EDA: variants seen among roughly 807,000 people sequenced by gnomAD.
The protein encoded by EDA is ectodysplasin A.
EDA carries 2 observed loss-of-function variants against 23.6 expected under a neutral mutation model. The observed-to-expected ratio is 0.08, with a 90% confidence interval of 0.03 to 0.27. EDA has a LOEUF of 0.27. Among genes scored for constraint, EDA ranks in the 10% least tolerant of loss-of-function variants. EDA has a pLI of 1.00. For synonymous variants in EDA, 131 were observed against 132.0 expected, an observed-to-expected ratio of 0.99 and a Z score of 0.05; for missense variants, 229 against 324.2, an observed-to-expected ratio of 0.71 and a Z score of 2.26.
chrX:69,929,159 G>T (rs969856167), intron 1 of EDA, among the ~76,000 whole-genome samples: 1 of 111,074 alleles, frequency 9.0e-6, no homozygotes, highest in African/African-American at 3.3e-5. Context: ...TACTATTTCA[G>T]CAGTTACCAT....
At chrX:69,907,904 A>G (rs778701300) in intron 1 of EDA, among the ~76,000 whole-genome samples, 1 of 111,596 alleles carries the variant, frequency 9.0e-6, no homozygotes, top group Non-Finnish European at 1.9e-5. Context: ...TCTAGAGAAG[A>G]AAAACTAGAT....
chrX:69,631,637 T>C (rs866448748), intron 1 of EDA, among the ~76,000 whole-genome samples: 7 of 95,956 alleles, frequency 7.3e-5, no homozygotes, highest in Admixed American at 1.1e-4. Flanking sequence ...TTTTTTTTTC[T>C]TTTTTTTTTT....
At chrX:69,638,234 CA>C (rs909736496) in intron 1 of EDA, among the ~76,000 whole-genome samples, 1 of 111,374 alleles carries the variant, frequency 9.0e-6, no homozygotes, top group African/African-American at 3.3e-5. Context: ...ATGAATTATA[CA>C]AAAAACAAGA....
intron 2 of EDA, among the ~76,000 whole-genome samples, chrX:69,972,168 T>C (rs1334499784): frequency 1.8e-5 from 2 of 112,021 alleles, no homozygotes; most frequent in Non-Finnish European, 3.8e-5. Context: ...CACATTTAAA[T>C]GTAAGTTAAG....
At chrX:69,701,474 G>T (rs1045839869) in intron 1 of EDA, among the ~76,000 whole-genome samples, 50 of 112,248 alleles carry the variant, frequency 4.5e-4, no homozygotes, top group African/African-American at 1.6e-3. Context: ...GGCCTGCAGG[G>T]CCCCTTATGG....
At chrX:69,756,618 C>T (rs753825426) in intron 1 of EDA, among the ~76,000 whole-genome samples, 8 of 111,754 alleles carry the variant, frequency 7.2e-5, no homozygotes, top group African/African-American at 1.6e-4. Context: ...AATTAAATTT[C>T]GAAACCTCCT....
intron 1 of EDA, among the ~76,000 whole-genome samples, chrX:69,746,519 AT>A (rs1174011445): frequency 9.0e-6 from 1 of 110,659 alleles, no homozygotes; most frequent in Non-Finnish European, 1.9e-5. Context: ...TTATTCTCTG[AT>A]TTTTTTTAGT....
intron 2 of EDA, among the ~76,000 whole-genome samples, chrX:70,013,876 G>C (rs766782014): frequency 4.4e-5 from 5 of 112,367 alleles, no homozygotes; most frequent in African/African-American, 1.6e-4. Flanking sequence ...GAAGAGGCCA[G>C]TCTGTCTTCC....
chrX:69,770,460 T>G (rs1288832138), intron 1 of EDA, among the ~76,000 whole-genome samples: 1 of 112,211 alleles, frequency 8.9e-6, no homozygotes, highest in African/African-American at 3.2e-5. Flanking sequence ...CTCATTGTGG[T>G]TTGAAGCTGC....
chrX:69,848,025 T>A (rs1657771170), intron 1 of EDA, among the ~76,000 whole-genome samples: 1 of 112,205 alleles, frequency 8.9e-6, no homozygotes, highest in Non-Finnish European at 1.9e-5. Flanking sequence ...ACTTTTCTTT[T>A]AATTTTAGCC....
intron 1 of EDA, among the ~76,000 whole-genome samples, chrX:69,703,680 C>A (rs535705904): frequency 1.8e-5 from 2 of 111,453 alleles, no homozygotes; most frequent in African/African-American, 6.5e-5. Context: ...GGTCTTCAGG[C>A]GGTACGTGTC....
intron 1 of EDA, among the ~76,000 whole-genome samples, chrX:69,654,149 C>T (rs1292421410): frequency 1.8e-5 from 2 of 111,785 alleles, no homozygotes; most frequent in African/African-American, 6.5e-5. Flanking sequence ...TATGAACAGA[C>T]ACTTCTCAAA....
chrX:69,944,120 C>T (rs1364343334), intron 1 of EDA, among the ~76,000 whole-genome samples: 2 of 111,253 alleles, frequency 1.8e-5, no homozygotes, highest in African/African-American at 6.5e-5. Context: ...ATCCAAGAGC[C>T]GAGGCCTAGA....
intron 1 of EDA, among the ~76,000 whole-genome samples, chrX:69,891,410 C>T (rs568163975): frequency 9.0e-6 from 1 of 111,580 alleles, no homozygotes; most frequent in Non-Finnish European, 1.9e-5. Flanking sequence ...TGTATATATT[C>T]GTTATATATG....
At chrX:69,756,852 C>T (rs1162654980) in intron 1 of EDA, 1 of 111,552 alleles carries the variant, frequency 9.0e-6, no homozygotes, top group Non-Finnish European at 1.9e-5. Context: ...ATACAGATAT[C>T]TGGTCTTATG....
intron 2 of EDA, among the ~76,000 whole-genome samples, chrX:69,978,286 C>T (rs1450073194): frequency 1.1e-5 from 1 of 89,534 alleles, no homozygotes; most frequent in Non-Finnish European, 2.1e-5. Flanking sequence ...GAGTTCGAGA[C>T]CAGCCTGGCC....
chrX:69,997,364 A>C (rs988593123), intron 2 of EDA, among the ~76,000 whole-genome samples: 3 of 111,862 alleles, frequency 2.7e-5, no homozygotes, highest in Non-Finnish European at 5.6e-5. Flanking sequence ...GATTTATAGA[A>C]CTTTGAACTT....
intron 1 of EDA, among the ~76,000 whole-genome samples, chrX:69,659,025 AT>A (rs1933406223): frequency 8.9e-6 from 1 of 111,963 alleles, no homozygotes; most frequent in Non-Finnish European, 1.9e-5. Flanking sequence ...TTCAGTGATT[AT>A]TTTTTGACTC....
Position 69,838,089 on chromosome X carries a change from C to T in EDA, c.397-118938C>T, listed in dbSNP as rs1384356704. Among the ~76,000 whole-genome samples, 5 of 112,248 alleles carry T rather than the reference C, an allele frequency of 4.5e-5. No homozygotes were observed. The East Asian group carries it at 8.4e-4, about 19-fold the overall frequency. ...GCAGCCACAATCTCCCCATGCTGAA[C>T]GTGAGTCTACTTTATGGTAAAGAAC... On this transcript the variant is annotated intron_variant, in intron 1 of 7. Transcript: ENST00000374552.
Sources: allele counts gnomAD v4.1 joint callset (sites outside exome capture counted in the v4.1 genomes callset), GRCh38; gene constraint gnomAD v4.1.1; transcripts MANE v1.5; gene names NCBI Gene and HGNC (gene_info 2026-07-23, HGNC 2026-07-21).